Variants in RAPGEF4 observed in about 807,000 individuals in gnomAD.
RAPGEF4 encodes the protein RAP guanine-nucleotide-exchange factor (GEF) 4.
A neutral mutation model predicts 147.9 loss-of-function variants in RAPGEF4; 66 were observed. The ratio of observed to expected loss-of-function variants is 0.45; its 90% CI spans 0.37 to 0.55. The LOEUF (loss-of-function observed/expected upper bound fraction) is 0.55. RAPGEF4 is among the 20% of genes least tolerant of loss of function. The probability of loss-of-function intolerance (pLI) is 0.00; values close to 1 mark genes in which losing one functional copy is unlikely to be tolerated. For synonymous variants in RAPGEF4, 419 were observed against 442.7 expected (o/e 0.95, Z 0.67); for missense variants, 1,071 against 1,257.3 (o/e 0.85, Z 2.24).
At chr2:172,925,777 A>G (rs200376783) in intron 6 of RAPGEF4, among the ~76,000 whole-genome samples, 4 of 133,804 alleles carry the variant, frequency 3.0e-5, no homozygotes, top group Admixed American at 8.3e-5. Context: ...GAAAGAAAGA[A>G]AGAGAGAGAG....
chr2:172,856,286 C>G (rs1447435606), intron 4 of RAPGEF4, among the ~76,000 whole-genome samples: 1 of 151,950 alleles, frequency 6.6e-6, no homozygotes, highest in Non-Finnish European at 1.5e-5. Context: ...TTTTTTAGTT[C>G]TAGAATTTTC....
At chr2:172,955,651 G>A (rs1411775596) in intron 6 of RAPGEF4, among the ~76,000 whole-genome samples, 2 of 152,272 alleles carry the variant, frequency 1.3e-5, no homozygotes, top group East Asian at 1.9e-4. Flanking sequence ...TGCCTTTCGG[G>A]GCTCATTTGT....
intron 6 of RAPGEF4, among the ~76,000 whole-genome samples, chr2:172,943,031 C>T (rs1324996531): frequency 6.6e-6 from 1 of 152,054 alleles, no homozygotes; most frequent in East Asian, 1.9e-4. Flanking sequence ...GAGGAAGGTA[C>T]ATTTTGGTGT....
At chr2:172,958,745 G>A (rs892152722) in intron 6 of RAPGEF4, among the ~76,000 whole-genome samples, 5 of 152,210 alleles carry the variant, frequency 3.3e-5, no homozygotes, top group African/African-American at 1.2e-4. Context: ...AGATGCCAGC[G>A]AGGTGATGAA....
At chr2:172,908,117 C>T (rs185254142) in intron 4 of RAPGEF4, among the ~76,000 whole-genome samples, 1 of 152,338 alleles carries the variant, frequency 6.6e-6, no homozygotes, top group East Asian at 1.9e-4. Context: ...GAAATCAATA[C>T]ATAATGCCTG....
At chr2:172,958,306 A>T (rs1688945594) in intron 6 of RAPGEF4, among the ~76,000 whole-genome samples, 1 of 152,246 alleles carries the variant, frequency 6.6e-6, no homozygotes, top group African/African-American at 2.4e-5. Flanking sequence ...TGATACAGTC[A>T]GGTGCAGTCC....
intron 10 of RAPGEF4, among the ~76,000 whole-genome samples, chr2:172,970,034 A>G (rs544151574): frequency 7.2e-5 from 11 of 152,294 alleles, no homozygotes; most frequent in African/African-American, 2.4e-4. Context: ...AAACTTTGCA[A>G]ACGTTGGAAT....
intron 18 of RAPGEF4, 69 bp from the exon 19 acceptor site, chr2:173,016,280 A>G (rs1204124179): frequency 1.8e-6 from 2 of 1,098,230 alleles, no homozygotes; most frequent in Non-Finnish European, 2.8e-6. Context: ...ACACATCTTT[A>G]TTGCTCTTGA....
At chr2:172,917,766 A>C in intron 4 of RAPGEF4, 36 bp from the exon 5 acceptor site, 11 of 1,544,450 alleles carry the variant, frequency 7.1e-6, no homozygotes, top group Non-Finnish European at 9.8e-6. Flanking sequence ...AAGCAAGTAA[A>C]TATCTGTGTG....
intron 6 of RAPGEF4, among the ~76,000 whole-genome samples, chr2:172,925,001 G>A (rs1685131875): frequency 6.6e-6 from 1 of 152,140 alleles, no homozygotes. Context: ...AGGCTGGAGT[G>A]CAGTGGCATG....
intron 4 of RAPGEF4, chr2:172,814,658 C>T: frequency 1.9e-6 from 1 of 523,338 alleles, no homozygotes; most frequent in Admixed American, 3.1e-5. Context: ...GTTTGACATA[C>T]CTTATAATTA....
At position 173,051,854 on chromosome 2, in the gene RAPGEF4, C is replaced by T. The variant is rs1686282857; in HGVS notation, c.*87C>T. On this transcript the variant is annotated 3_prime_UTR_variant, in exon 31 of 31. Transcript: ENST00000397081. Reference sequence around the variant, plus strand: ...TATGCTACTACTGACTGTATTGCCACTAGAGAATTCTACAAAACAAGCAAA... The same window carrying T: ...TATGCTACTACTGACTGTATTGCCATTAGAGAATTCTACAAAACAAGCAAA... 1 of 1,478,974 alleles carries T rather than the reference C, an allele frequency of 6.8e-7. No individual in the cohort carries two copies. The highest frequency in any genetic ancestry group is 9.3e-7 in the Non-Finnish European group (1 of 1,078,366). The allele number at this position is 1,478,974 out of a possible 1,614,324, so 91.6% of individuals were successfully genotyped here. A position where few individuals can be genotyped will look rare whatever the true frequency, so the allele number is the denominator to read the frequency against.
At chr2:172,966,067 A>G (rs1327673336) in intron 9 of RAPGEF4, among the ~76,000 whole-genome samples, 2 of 152,222 alleles carry the variant, frequency 1.3e-5, no homozygotes, top group African/African-American at 4.8e-5. Context: ...ATGACATGAA[A>G]GTAAGTAATG....
chr2:172,813,720 C>G (rs1035009418), intron 3 of RAPGEF4, among the ~76,000 whole-genome samples: 4 of 151,966 alleles, frequency 2.6e-5, no homozygotes, highest in African/African-American at 9.7e-5. Context: ...CGATAGATTT[C>G]TCCTCTTTTC....
At chr2:172,872,026 G>T (rs1432879948) in intron 4 of RAPGEF4, among the ~76,000 whole-genome samples, 3 of 152,260 alleles carry the variant, frequency 2.0e-5, no homozygotes, top group Non-Finnish European at 4.4e-5. Flanking sequence ...GGGATTAAGA[G>T]ATAATAGCAT....
chr2:173,016,571 AGGGCATAGGT>A, intron 19 of RAPGEF4, 134 bp downstream of exon 19: 1 of 690,422 alleles, frequency 1.4e-6, no homozygotes, highest in East Asian at 2.7e-5. Context: ...GACTGGGCTG[AGGGCATAGGT>A]GGTGCAGTAA....
At chr2:173,050,555 G>A (rs371377285) in intron 30 of RAPGEF4, among the ~76,000 whole-genome samples, 13 of 152,206 alleles carry the variant, frequency 8.5e-5, no homozygotes, top group Middle Eastern at 3.4e-3. Context: ...TGGAAACCCC[G>A]GTCAGGAGCC....
At chr2:172,766,323 G>C (rs9287959) in intron 1 of RAPGEF4, among the ~76,000 whole-genome samples, 1 of 152,060 alleles carries the variant, frequency 6.6e-6, no homozygotes, top group Non-Finnish European at 1.5e-5. Context: ...AGGCCAAGAC[G>C]GGCACATCCC....
At chr2:172,868,643 A>G (rs368168703) in intron 4 of RAPGEF4, among the ~76,000 whole-genome samples, 2 of 152,218 alleles carry the variant, frequency 1.3e-5, no homozygotes, top group African/African-American at 2.4e-5. Context: ...GACAGTACTT[A>G]TTAATTCAGA....
Sources: allele counts gnomAD v4.1 joint callset (sites outside exome capture counted in the v4.1 genomes callset), GRCh38; gene constraint gnomAD v4.1.1; transcripts MANE v1.5; gene names NCBI Gene and HGNC (gene_info 2026-07-23, HGNC 2026-07-21).